CCSER2: variants seen among roughly 807,000 people sequenced by gnomAD.
The protein encoded by CCSER2 is serine-rich coiled-coil domain-containing protein 2.
CCSER2 carries 46 observed loss-of-function variants against 92.3 expected under a neutral mutation model. The observed-to-expected ratio is 0.50, with a 90% CI of 0.39 to 0.64. The LOEUF is 0.64. Ranked by LOEUF, CCSER2 falls within the 30% of genes least tolerant of loss-of-function variation. The pLI, the probability that CCSER2 is intolerant of heterozygous loss-of-function variation, is 0.00. For synonymous variants in CCSER2, 433 were observed against 431.4 expected, an observed-to-expected ratio of 1.00 and a Z score of -0.04; for missense variants, 1,244 against 1,238.9, an observed-to-expected ratio of 1.00 and a Z score of -0.06.
chr10:84,404,689 CTAAT>C (rs1195004900), intron 3 of CCSER2, among the ~76,000 whole-genome samples: 3 of 152,130 alleles, frequency 2.0e-5, no homozygotes, highest in Non-Finnish European at 4.4e-5. Flanking sequence ...ATTCCTATAA[CTAAT>C]AAGTGAGTTT....
chr10:84,490,291 T>C (rs1336884824), intron 9 of CCSER2, among the ~76,000 whole-genome samples: 1 of 152,228 alleles, frequency 6.6e-6, no homozygotes, highest in Non-Finnish European at 1.5e-5. Flanking sequence ...TGGCCTGCCT[T>C]GCTAGGTTGG....
chr10:84,470,437 C>A lies in CCSER2; in HGVS notation c.2214C>A (p.Ile738=). 7.1e-7 allele frequency: 1 copy of A among 1,406,564 alleles called. No homozygotes were observed. 87.1% of individuals were successfully genotyped at this position (1,406,564 alleles called of 1,614,324 possible). A position where few individuals can be genotyped will look rare whatever the true frequency, so the allele number is the denominator to read the frequency against. Residue 738 remains isoleucine (I), a synonymous_variant, in exon 8 of 10, where the codon ATC becomes ATA. Coordinates refer to ENST00000372088, the MANE Select transcript of CCSER2 (RefSeq NM_001284240.2). The part of the protein sequence containing the change: ...KDEIKKKDEK[I]QLLELQLATQ... ...AAATAAAGAAAAAAGATGAAAAGAT[C>A]CAACTATTAGAACTTCAGCTTGTAA...
chr10:84,426,893 A>G (rs891387002), intron 5 of CCSER2, among the ~76,000 whole-genome samples: 2 of 152,344 alleles, frequency 1.3e-5, no homozygotes, highest in African/African-American at 4.8e-5. Flanking sequence ...TTTTCAAACA[A>G]CTGTGTTCCT....
chr10:84,474,800 T>C (rs1317136230), intron 8 of CCSER2, among the ~76,000 whole-genome samples: 1 of 151,940 alleles, frequency 6.6e-6, no homozygotes, highest in African/African-American at 2.4e-5. Flanking sequence ...ATATAAGCCC[T>C]AAATCACCCA....
At chr10:84,512,940 A>G (rs17663446) in intron 9 of CCSER2, among the ~76,000 whole-genome samples, 22,905 of 152,256 alleles carry the variant, frequency 0.15, 1,848 homozygotes, top group Admixed American at 0.24. Flanking sequence ...AACTGAGAAT[A>G]TAGTGATTTA....
intron 1 of CCSER2, among the ~76,000 whole-genome samples, chr10:84,341,584 A>G (rs1380914192): frequency 3.3e-5 from 5 of 151,888 alleles, no homozygotes; most frequent in African/African-American, 7.3e-5. Context: ...TGGTTGCCCT[A>G]TGATTTAGTT....
chr10:84,448,655 T>A (rs892986817), intron 6 of CCSER2, among the ~76,000 whole-genome samples: 1 of 152,234 alleles, frequency 6.6e-6, no homozygotes, highest in South Asian at 2.1e-4. Context: ...GATGAATATA[T>A]GCAATTGTGT....
At chr10:84,499,268 T>A (rs768209674) in intron 9 of CCSER2, among the ~76,000 whole-genome samples, 8 of 152,064 alleles carry the variant, frequency 5.3e-5, no homozygotes, top group Non-Finnish European at 1.0e-4. Flanking sequence ...CCCGAGTAAC[T>A]GGTTTTACAG....
At chr10:84,374,571 T>G (rs2133184247) in intron 3 of CCSER2, among the ~76,000 whole-genome samples, 1 of 152,352 alleles carries the variant, frequency 6.6e-6, no homozygotes, top group East Asian at 1.9e-4. Flanking sequence ...GAACTAATCA[T>G]GTGGTCCCAT....
chr10:84,452,522 A>G (rs1468509226), intron 6 of CCSER2, among the ~76,000 whole-genome samples: 1 of 152,222 alleles, frequency 6.6e-6, no homozygotes, highest in East Asian at 1.9e-4. Flanking sequence ...CAGAGTTCAG[A>G]AATTCTAACT....
intron 8 of CCSER2, among the ~76,000 whole-genome samples, chr10:84,472,318 G>A (rs887627482): frequency 2.6e-5 from 4 of 151,952 alleles, no homozygotes; most frequent in Non-Finnish European, 4.4e-5. Flanking sequence ...CCTGTAATCC[G>A]AGCACTTTGG....
rs994792782 is a variant in CCSER2 at position 84,507,381 on chromosome 10, T to G, written c.2326-6068T>G. 32 of 880,572 alleles carry G rather than the reference T, an allele frequency of 3.6e-5. No homozygotes were observed. The African/African-American group carries it at 5.2e-4, about 14-fold the overall frequency. The allele number at this position is 880,572 out of a possible 1,614,324, so 54.5% of individuals were successfully genotyped here. The stretch of plus-strand genomic sequence containing the variant: ...TTCCTACCACCTTCCTCATAATCAC[T>G]TTTTTTGGTTTTTTTTTCCAGTTTG... On this transcript the variant is annotated intron_variant, in intron 9 of 9. Coordinates refer to ENST00000372088, the MANE Select transcript of CCSER2 (RefSeq NM_001284240.2).
intron 6 of CCSER2, among the ~76,000 whole-genome samples, chr10:84,444,232 G>T (rs1217763585): frequency 6.6e-6 from 1 of 152,160 alleles, no homozygotes; most frequent in Non-Finnish European, 1.5e-5. Context: ...GTGCCATAAA[G>T]GTAGCTGGGG....
At chr10:84,396,399 A>G (rs1477505976) in intron 3 of CCSER2, among the ~76,000 whole-genome samples, 1 of 151,558 alleles carries the variant, frequency 6.6e-6, no homozygotes, top group African/African-American at 2.4e-5. Context: ...TTTTTTTTAA[A>G]CCTTAACCTT....
intron 1 of CCSER2, among the ~76,000 whole-genome samples, chr10:84,338,501 G>C (rs1843975757): frequency 1.3e-5 from 2 of 152,118 alleles, no homozygotes; most frequent in South Asian, 4.1e-4. Context: ...AAAAATGCAG[G>C]ATCTACGTCG....
chr10:84,419,264 A>G lies in CCSER2; in HGVS notation c.1705+1403A>G, dbSNP rs372865133. ...TTTGGTTAGAGAGCGTATTCTAAAG[A>G]ACTGCTTAGCTGCTTTTAACCAATG... On this transcript the variant is annotated intron_variant, in intron 4 of 9. Coordinates refer to ENST00000372088, the MANE Select transcript of CCSER2 (RefSeq NM_001284240.2). 9.2e-5 allele frequency among the ~76,000 whole-genome samples: 14 copies of G among 152,178 alleles called. No homozygotes were observed. In the East Asian group the frequency reaches 2.7e-3, roughly 29 times the overall value.
intron 8 of CCSER2, among the ~76,000 whole-genome samples, chr10:84,477,236 G>A (rs925242347): frequency 6.6e-6 from 1 of 152,002 alleles, no homozygotes; most frequent in Non-Finnish European, 1.5e-5. Context: ...GGGTAATTTA[G>A]ATTATTCAAA....
intron 5 of CCSER2, among the ~76,000 whole-genome samples, chr10:84,427,559 T>C (rs769477364): frequency 6.6e-6 from 1 of 152,196 alleles, no homozygotes; most frequent in Non-Finnish European, 1.5e-5. Flanking sequence ...CCCGTTATTA[T>C]TGTCATTAGT....
chr10:84,489,922 T>C (rs918120757), intron 9 of CCSER2, among the ~76,000 whole-genome samples: 3 of 152,228 alleles, frequency 2.0e-5, no homozygotes, highest in Non-Finnish European at 4.4e-5. Flanking sequence ...GGAGCTCTTT[T>C]AGGGCAGGCC....
Sources: allele counts gnomAD v4.1 joint callset (sites outside exome capture counted in the v4.1 genomes callset), GRCh38; gene constraint gnomAD v4.1.1; transcripts MANE v1.5; gene names NCBI Gene and HGNC (gene_info 2026-07-23, HGNC 2026-07-21).